ARHGAP19: variants seen among roughly 807,000 people sequenced by gnomAD.
ARHGAP19 encodes the protein Rho GTPase activating protein 19, also known as rho GTPase-activating protein 19.
ARHGAP19 carries 48 observed loss-of-function variants against 60.9 expected under a neutral mutation model. The observed-to-expected ratio is 0.79, with a 90% CI of 0.62 to 1.00. The LOEUF (loss-of-function observed/expected upper bound fraction) is 1.00, where lower values mean the gene tolerates loss of function less well. Among genes scored for constraint, ARHGAP19 ranks in the 50% least tolerant of loss-of-function variants. The pLI, the probability that ARHGAP19 is intolerant of heterozygous loss-of-function variation, is 0.00. For synonymous variants in ARHGAP19, 209 were observed against 215.5 expected, an observed-to-expected ratio of 0.97 and a Z score of 0.27; for missense variants, 562 against 597.2, an observed-to-expected ratio of 0.94 and a Z score of 0.61.
intron 9 of ARHGAP19, among the ~76,000 whole-genome samples, chr10:97,233,241 T>C (rs907577135): frequency 2.0e-5 from 3 of 151,992 alleles, no homozygotes; most frequent in African/African-American, 7.2e-5. Flanking sequence ...TCCCAGCTAC[T>C]TGGGAGGCTG....
At chr10:97,282,616 A>C (rs892780591) in intron 1 of ARHGAP19, among the ~76,000 whole-genome samples, 6 of 152,102 alleles carry the variant, frequency 3.9e-5, no homozygotes, top group Admixed American at 3.9e-4. Context: ...AATGGCTGCC[A>C]ATCAGTCAGC....
chr10:97,250,073 C>T (rs12358041), intron 6 of ARHGAP19, among the ~76,000 whole-genome samples: 6,492 of 152,066 alleles, frequency 0.043, 208 homozygotes, highest in Non-Finnish European at 0.061. Flanking sequence ...CGTGAGCCAC[C>T]GCACCCGGCC....
chr10:97,226,111 C>T lies in ARHGAP19; in HGVS notation c.*11G>A. The T allele has an allele frequency of 6.2e-7, 1 of 1,613,824 alleles. No homozygotes were observed. The highest frequency in any genetic ancestry group is 8.5e-7 in the Non-Finnish European group (1 of 1,179,814). Reference sequence around the variant, plus strand: ...ATTCTGCATGGACCATAGGAGACAACTCTGGATCCTTCAGAGAAATCCTAG... The same window carrying T: ...ATTCTGCATGGACCATAGGAGACAATTCTGGATCCTTCAGAGAAATCCTAG... On this transcript the variant is annotated 3_prime_UTR_variant, in exon 12 of 12. Transcript: ENST00000358531.
In ARHGAP19 at chr10:97,246,428, T is replaced by C. The variant is rs910207056; in HGVS notation, c.928-91A>G. The C allele has an allele frequency of 5.9e-6, 6 of 1,009,136 alleles. No homozygotes were observed. The Admixed American group carries it at 1.2e-4, about 21-fold the overall frequency. The allele number at this position is 1,009,136 out of a possible 1,614,324, so 62.5% of individuals were successfully genotyped here. ...CAAGGACAGTGGTTCTCAAAATCATTTGACCAGCAGATTACTTTTAAAAAG... is the reference window on the plus strand; with the variant it reads ...CAAGGACAGTGGTTCTCAAAATCATCTGACCAGCAGATTACTTTTAAAAAG... On this transcript the variant is annotated intron_variant, in intron 6 of 11. Transcript: ENST00000358531.
chr10:97,263,510 C>A lies in ARHGAP19; in HGVS notation c.523G>T (p.Asp175Tyr). ...AACATCTTCAGCAAAGTGGCAACATCATTTGAGTGAAATTCCCCTGATTCC... is the reference window on the plus strand; with the variant it reads ...AACATCTTCAGCAAAGTGGCAACATAATTTGAGTGAAATTCCCCTGATTCC... ...DLESGEFHSN[D>Y]VATLLKMFLG... The change falls in exon 4 of 12, where the codon GAT (aspartate) becomes TAT (tyrosine). Residue 175 changes from aspartate (D) to tyrosine (Y), a missense_variant. Transcript: ENST00000358531. The A allele has an allele frequency of 6.2e-7, 1 of 1,614,136 alleles. No individual in the cohort carries two copies. Among genetic ancestry groups the A allele is most frequent in the Non-Finnish European group, 8.5e-7 (1 of 1,180,032 alleles).
At chr10:97,239,551 G>GTGTGTGT (rs1842440252) in intron 8 of ARHGAP19, among the ~76,000 whole-genome samples, 24 of 20,292 alleles carry the variant, frequency 1.2e-3, no homozygotes, top group South Asian at 2.4e-3. Flanking sequence ...AGAGAGAGAG[G>GTGTGTGT]GTGTGTGTGT....
Position 97,224,374 on chromosome 10 carries a change from C to T in ARHGAP19, c.*1748G>A, listed in dbSNP as rs978547999. 1 of 152,138 alleles carries T rather than the reference C, an allele frequency of 6.6e-6. No individual in the cohort carries two copies. The highest frequency in any genetic ancestry group is 1.5e-5 in the Non-Finnish European group (1 of 68,014). 9.4% of individuals were successfully genotyped at this position (152,138 alleles called of 1,614,324 possible). ...AATATTTAATAGAAACCTACGCAAA[C>T]GAATTTGCTAATATGTGTTTTTACA... On this transcript the variant is annotated 3_prime_UTR_variant, in exon 12 of 12. Transcript: ENST00000358531.
intron 1 of ARHGAP19, among the ~76,000 whole-genome samples, chr10:97,288,790 G>A (rs1341367070): frequency 7.0e-6 from 1 of 141,866 alleles, no homozygotes; most frequent in Non-Finnish European, 1.5e-5. Context: ...ATGCCTTACA[G>A]AAACCCCAAA....
chr10:97,258,489 G>A (rs1443079159), intron 5 of ARHGAP19, among the ~76,000 whole-genome samples: 1 of 152,012 alleles, frequency 6.6e-6, no homozygotes, highest in Admixed American at 6.6e-5. Context: ...AGCTGAGATT[G>A]CACCACTGCT....
intron 7 of ARHGAP19, among the ~76,000 whole-genome samples, chr10:97,245,940 T>A (rs1357323425): frequency 6.6e-6 from 1 of 152,040 alleles, no homozygotes; most frequent in Admixed American, 6.6e-5. Flanking sequence ...AGGCACTTTT[T>A]TTTTCAAGAG....
chr10:97,228,233 T>C (rs1224207066), intron 11 of ARHGAP19, among the ~76,000 whole-genome samples: 1 of 152,232 alleles, frequency 6.6e-6, no homozygotes, highest in Non-Finnish European at 1.5e-5. Context: ...CTATTGCTGA[T>C]GTCTCAAATA....
chr10:97,292,548 G>C, intron 1 of ARHGAP19, 24 bp downstream of exon 1: 1 of 1,614,180 alleles, frequency 6.2e-7, no homozygotes, highest in South Asian at 1.1e-5. Flanking sequence ...CGTTTCCCAG[G>C]AAACTGGACC....
intron 11 of ARHGAP19, 29 bp downstream of exon 11, chr10:97,229,118 T>A: frequency 6.3e-7 from 1 of 1,575,628 alleles, no homozygotes; most frequent in Non-Finnish European, 8.7e-7. Flanking sequence ...TTACATTTAG[T>A]AAGAACAGAG....
chr10:97,232,405 C>T (rs1187828023), intron 9 of ARHGAP19, among the ~76,000 whole-genome samples: 1 of 152,006 alleles, frequency 6.6e-6, no homozygotes, highest in African/African-American at 2.4e-5. Flanking sequence ...CCTCGTGATC[C>T]GCCCACCTCA....
chr10:97,250,272 A>G (rs1449452753), intron 6 of ARHGAP19, among the ~76,000 whole-genome samples: 1 of 152,196 alleles, frequency 6.6e-6, no homozygotes, highest in African/African-American at 2.4e-5. Flanking sequence ...GGAGAGTTAT[A>G]TATGAGTATT....
rs539945677 is a variant in ARHGAP19 at position 97,235,385 on chromosome 10, T to G, written c.1186-70A>C. The G allele has an allele frequency of 3.4e-5, 45 of 1,325,948 alleles. No individual in the cohort carries two copies. In the African/African-American group the frequency reaches 6.0e-4, roughly 18 times the overall value. The allele number at this position is 1,325,948 out of a possible 1,614,324, so 82.1% of individuals were successfully genotyped here. On this transcript the variant is annotated intron_variant, in intron 8 of 11. Coordinates refer to ENST00000358531, the MANE Select transcript of ARHGAP19 (RefSeq NM_032900.6). ...AGACACGGCATTCTGTGACAACTAA[T>G]AGCTAAGTGTAAATAAAAGTCCAGG... is the stretch of plus-strand genomic sequence containing the variant.
intron 1 of ARHGAP19, among the ~76,000 whole-genome samples, chr10:97,270,916 C>T (rs1410723915): frequency 2.0e-5 from 3 of 152,178 alleles, no homozygotes; most frequent in Non-Finnish European, 4.4e-5. Flanking sequence ...CTAGATGAAA[C>T]AGTTACAAAT....
intron 6 of ARHGAP19, among the ~76,000 whole-genome samples, chr10:97,251,403 GGGAAGGGAAA>G (rs1842657158): frequency 3.3e-5 from 1 of 30,416 alleles, no homozygotes; most frequent in African/African-American, 1.5e-4. Flanking sequence ...GGAAGGGGAA[GGGAAGGGAAA>G]GGAAGGGGAA....
intron 2 of ARHGAP19, 59 bp from the exon 3 acceptor site, chr10:97,264,965 T>C (rs1045978513): frequency 3.9e-6 from 5 of 1,277,174 alleles, no homozygotes; most frequent in African/African-American, 2.9e-5. Flanking sequence ...AAAATCATCA[T>C]ACCTAAAACC....
Sources: gnomAD v4.1 joint callset for allele counts (sites outside exome capture counted in the v4.1 genomes callset) on GRCh38, gnomAD v4.1.1 for gene constraint, MANE v1.5 for transcripts, NCBI Gene and HGNC (gene_info 2026-07-23, HGNC 2026-07-21) for gene names.